HES5: variants seen among roughly 807,000 people sequenced by gnomAD.
The protein encoded by HES5 is hes family bHLH transcription factor 5.
In HES5, 12 loss-of-function variants were observed where a neutral mutation model predicts 9.6. The ratio of observed to expected loss-of-function variants is 1.25; its 90% CI spans 0.80 to 2.03. HES5 has a LOEUF of 2.03. Among genes scored for constraint, HES5 ranks in the 30% most tolerant of loss-of-function variants. HES5 has a pLI of 0.00. For synonymous variants in HES5, 131 were observed against 102.4 expected (o/e 1.28, Z -1.69); for missense variants, 255 against 218.6 (o/e 1.17, Z -1.05).
At position 2,530,042 on chromosome 1, in the gene HES5, G is replaced by A. The variant is rs373622570; in HGVS notation, c.55-31C>T. ...GGAGGAGGGGGTGTCAGGCTGGCCCGGCACGGCGCAGGGACCCCCGAGGAC... is the reference window on the plus strand; with the variant it reads ...GGAGGAGGGGGTGTCAGGCTGGCCCAGCACGGCGCAGGGACCCCCGAGGAC... On this transcript the variant is annotated intron_variant, in intron 1 of 2. Transcript: ENST00000378453. 7.5e-6 allele frequency: 12 copies of A among 1,602,844 alleles called. No individual in the cohort carries two copies. The East Asian group carries it at 2.2e-4, about 30-fold the overall frequency.
Position 2,529,545 on chromosome 1 carries a change from G to A in HES5, c.425C>T (p.Pro142Leu). ...GGCGGTGGCCTTGGCGGAGAGCGCGGGCGGGGGCGCGGCGCCCGGCGCCTT... is the reference window on the plus strand; with the variant it reads ...GGCGGTGGCCTTGGCGGAGAGCGCGAGCGGGGGCGCGGCGCCCGGCGCCTT... ...EPKAPGAAPP[P>L]ALSAKATAAA... The change falls in exon 3 of 3, where the codon CCC (proline) becomes CTC (leucine). Residue 142 changes from proline to leucine, a missense_variant. Pro to Leu is a moderately conservative substitution (Grantham distance 98). Coordinates refer to ENST00000378453, the MANE Select transcript of HES5 (RefSeq NM_001010926.4). This position sits in a 1 kb window ranked among gnomAD's most constrained non-coding sequence, Gnocchi z 4.5. 1 of 1,070,142 alleles carries A rather than the reference G, an allele frequency of 9.3e-7. No individual in the cohort carries two copies. Among genetic ancestry groups the A allele is most frequent in the Non-Finnish European group, 1.1e-6 (1 of 883,782 alleles). 66.3% of individuals were successfully genotyped at this position (1,070,142 alleles called of 1,614,324 possible).
rs778735369 is a variant in HES5, at chr1:2,529,883, G to A, written c.183C>T (p.Ile61=). 4.4e-6 allele frequency: 7 copies of A among 1,601,522 alleles called. No homozygotes were observed. The highest frequency in any genetic ancestry group is 4.0e-5 in the African/African-American group (3 of 74,428). ...QPNSKLEKAD[I]LEMAVSYLKH... ...TCAGGTAGCTGACAGCCATCTCCAG[G>A]ATGTCGGCCTTCTCCAGCTTGGAGT... Residue 61 remains isoleucine, a synonymous_variant, in exon 2 of 3, where the codon ATC becomes ATT. Transcript: ENST00000378453. The surrounding 1 kb of genome is among the most constrained non-coding windows in gnomAD (Gnocchi z 4.5).
rs1477969884 is a variant in HES5 at position 2,529,694 on chromosome 1, G to A, written c.276C>T (p.Tyr92=). ...GCACGGCCTCCTGCAGGCACCACGA[G>A]TAGCCTTCGCTGTAGTCCTGGTGCA... ...KSLHQDYSEG[Y]SWCLQEAVQF... is the part of the protein sequence containing the mutation. The change falls in exon 3 of 3, where the codon TAC becomes TAT. Residue 92 remains tyrosine, a synonymous_variant. Transcript: ENST00000378453. This position sits in a 1 kb window ranked among gnomAD's most constrained non-coding sequence, Gnocchi z 4.5. The A allele has an allele frequency of 7.6e-6, 10 of 1,308,658 alleles. No homozygotes were observed. Among genetic ancestry groups the A allele is most frequent in the Admixed American group, 3.1e-5 (1 of 32,538 alleles). The allele number at this position is 1,308,658 out of a possible 1,614,324, so 81.1% of individuals were successfully genotyped here.
Position 2,529,950 on chromosome 1 carries a change from A to G in HES5, c.116T>C (p.Leu39Pro). 1 of 1,609,426 alleles carries G rather than the reference A, an allele frequency of 6.2e-7. No homozygotes were observed. Among genetic ancestry groups the G allele is most frequent in the Non-Finnish European group, 8.5e-7 (1 of 1,178,306 alleles). ...GAACTCCTGCTCCAGCAGCAGCTTC[A>G]GCTGCTCGATGCTGCTGTTGATGCG... ...RDRINSSIEQ[L>P]KLLLEQEFAR... is the part of the protein sequence containing the mutation. Residue 39 changes from leucine to proline, a missense_variant, in exon 2 of 3, where the codon CTG becomes CCG. Transcript: ENST00000378453. This position sits in a 1 kb window ranked among gnomAD's most constrained non-coding sequence, Gnocchi z 4.5.
Position 2,530,020 on chromosome 1 carries a change from G to A in HES5, c.55-9C>T, listed in dbSNP as rs764878658. 2.5e-6 allele frequency: 4 copies of A among 1,603,720 alleles called. No homozygotes were observed. The highest frequency in any genetic ancestry group is 3.4e-6 in the Non-Finnish European group (4 of 1,174,084). On this transcript the variant is annotated splice_polypyrimidine_tract_variant and intron_variant, in intron 1 of 2. Coordinates refer to ENST00000378453, the MANE Select transcript of HES5 (RefSeq NM_001010926.4). ...ACCACCGGCTTCCGCAGCTGCGGGA[G>A]GAGGGGGTGTCAGGCTGGCCCGGCA...
rs1643966572 is a variant in HES5, at chr1:2,528,796, G to C, written c.*673C>G. ...TATGGCGGCTTCGGAGCAGTCCCGT[G>C]GCTTCCACGTGACTGAGAGTTCAAT... On this transcript the variant is annotated 3_prime_UTR_variant, in exon 3 of 3. Transcript: ENST00000378453. 1 of 152,404 alleles carries C rather than the reference G, an allele frequency of 6.6e-6. No individual in the cohort carries two copies. The highest frequency in any genetic ancestry group is 1.9e-4 in the East Asian group (1 of 5,324). 9.4% of individuals were successfully genotyped at this position (152,404 alleles called of 1,614,324 possible).
rs889804585 is a variant in HES5, at chr1:2,529,976, G to C, written c.90C>G (p.Asp30Glu). ...RKPVVEKMRR[D>E]RINSSIEQLK... ...GCTGCTCGATGCTGCTGTTGATGCG[G>C]TCGCGGCGCATCTTCTCCACCACCG... Residue 30 changes from aspartate (D) to glutamate (E), a missense_variant, in exon 2 of 3, where the codon GAC (aspartate) becomes GAG (glutamate). Asp to Glu is a conservative substitution (Grantham distance 45, BLOSUM62 2). Coordinates refer to ENST00000378453, the MANE Select transcript of HES5 (RefSeq NM_001010926.4). The surrounding 1 kb of genome is among the most constrained non-coding windows in gnomAD (Gnocchi z 4.5). 2.5e-6 allele frequency: 4 copies of C among 1,608,634 alleles called. No homozygotes were observed. In the African/African-American group the frequency reaches 5.3e-5, roughly 21 times the overall value.
chr1:2,528,847 C>A lies in HES5; in HGVS notation c.*622G>T, dbSNP rs1391859976. On this transcript the variant is annotated 3_prime_UTR_variant, in exon 3 of 3. Transcript: ENST00000378453. The stretch of plus-strand genomic sequence containing the variant: ...TTCTGAGTACAAAGTCGTGCCCACA[C>A]GCATCCACCCACACAGAGGAATCCT... The A allele has an allele frequency of 6.6e-6, 1 of 152,558 alleles. No individual in the cohort carries two copies. The highest frequency in any genetic ancestry group is 1.5e-5 in the Non-Finnish European group (1 of 68,052). 9.5% of individuals were successfully genotyped at this position (152,558 alleles called of 1,614,324 possible).
rs546720624 is a variant in HES5 at position 2,530,249 on chromosome 1, C to T, written c.-85G>A. The T allele has an allele frequency of 2.3e-3, 2,765 of 1,185,604 alleles. 47 individuals are homozygous for T. The African/African-American group carries it at 0.04, about 17-fold the overall frequency. 73.4% of individuals were successfully genotyped at this position (1,185,604 alleles called of 1,614,324 possible). A position where few individuals can be genotyped will look rare whatever the true frequency, so the allele number is the denominator to read the frequency against. On this transcript the variant is annotated 5_prime_UTR_variant, in exon 1 of 3. Coordinates refer to ENST00000378453, the MANE Select transcript of HES5 (RefSeq NM_001010926.4). ...GGCGCGGGCAAGGCCAAGCGCGTCC[C>T]GGGCTGGCGCGGACACCGGCCCCGC...
chr1:2,530,240 A>G lies in HES5; in HGVS notation c.-76T>C. On this transcript the variant is annotated 5_prime_UTR_variant, in exon 1 of 3. Transcript: ENST00000378453. ...AGGCGAGCGGGCGCGGGCAAGGCCAAGCGCGTCCCGGGCTGGCGCGGACAC... is the reference window on the plus strand; with the variant it reads ...AGGCGAGCGGGCGCGGGCAAGGCCAGGCGCGTCCCGGGCTGGCGCGGACAC... 1 of 1,263,122 alleles carries G rather than the reference A, an allele frequency of 7.9e-7. No individual in the cohort carries two copies. Among genetic ancestry groups the G allele is most frequent in the Non-Finnish European group, 1.0e-6 (1 of 990,482 alleles). The allele number at this position is 1,263,122 out of a possible 1,614,324, so 78.2% of individuals were successfully genotyped here. A position where few individuals can be genotyped will look rare whatever the true frequency, so the allele number is the denominator to read the frequency against.
rs1643973675 is a variant in HES5 at position 2,529,339 on chromosome 1, G to A, written c.*130C>T. 2 of 905,100 alleles carry A rather than the reference G, an allele frequency of 2.2e-6. No individual in the cohort carries two copies. Among genetic ancestry groups the A allele is most frequent in the Non-Finnish European group, 2.6e-6 (2 of 755,242 alleles). 56.1% of individuals were successfully genotyped at this position (905,100 alleles called of 1,614,324 possible). ...GGCTCCTGCGGGCCGGCCAGCTTGGGGCCAGAGCCTTCCGGAGAAGGGCGC... is the reference window on the plus strand; with the variant it reads ...GGCTCCTGCGGGCCGGCCAGCTTGGAGCCAGAGCCTTCCGGAGAAGGGCGC... On this transcript the variant is annotated 3_prime_UTR_variant, in exon 3 of 3. Transcript: ENST00000378453. This position sits in a 1 kb window ranked among gnomAD's most constrained non-coding sequence, Gnocchi z 4.5.
chr1:2,530,138 C>A lies in HES5; in HGVS notation c.27G>T (p.Glu9Asp), dbSNP rs1643988130. 2.6e-6 allele frequency: 4 copies of A among 1,549,446 alleles called. No individual in the cohort carries two copies. The highest frequency in any genetic ancestry group is 3.5e-6 in the Non-Finnish European group (4 of 1,147,358). ...GGTTTTTCTCTTTGGGGCTGAGCAG[C>A]TCCACGGCCACAGTGCTGGGGGCCA... MAPSTVAV[E>D]LLSPKEKNRL... Residue 9 changes from glutamate to aspartate, a missense_variant, in exon 1 of 3, where the codon GAG becomes GAT. Coordinates refer to ENST00000378453, the MANE Select transcript of HES5 (RefSeq NM_001010926.4).
intron 1 of HES5, 45 bp from the exon 2 acceptor site, chr1:2,530,056 AC>A: frequency 1.9e-6 from 3 of 1,597,578 alleles, no homozygotes; most frequent in Non-Finnish European, 2.6e-6. Flanking sequence ...CGGCGCAGGG[AC>A]CCCCGAGGAC....
At position 2,528,933 on chromosome 1, in the gene HES5, A is replaced by T. The variant is rs778881455; in HGVS notation, c.*536T>A. The T allele has an allele frequency of 3.9e-5, 6 of 152,508 alleles. No individual in the cohort carries two copies. The highest frequency in any genetic ancestry group is 7.3e-5 in the Non-Finnish European group (5 of 68,074). 9.4% of individuals were successfully genotyped at this position (152,508 alleles called of 1,614,324 possible). Reference sequence around the variant, plus strand: ...ACAGCCCACCGTGAGCCCCAGCCAGACCACCAGGCACACTCAGGAGCCTTT... The same window carrying T: ...ACAGCCCACCGTGAGCCCCAGCCAGTCCACCAGGCACACTCAGGAGCCTTT... On this transcript the variant is annotated 3_prime_UTR_variant, in exon 3 of 3. Transcript: ENST00000378453.
In HES5 at chr1:2,529,918, G is replaced by T; in HGVS notation, c.148C>A (p.His50Asn). ...KLLLEQEFAR[H>N]QPNSKLEKAD... is the part of the protein sequence containing the mutation. ...TTCTCCAGCTTGGAGTTGGGCTGGT[G>T]CCGCGCGAACTCCTGCTCCAGCAGC... The change falls in exon 2 of 3, where the codon CAC (histidine) becomes AAC (asparagine). Residue 50 changes from histidine to asparagine, a missense_variant. Coordinates refer to ENST00000378453, the MANE Select transcript of HES5 (RefSeq NM_001010926.4). This position sits in a 1 kb window ranked among gnomAD's most constrained non-coding sequence, Gnocchi z 4.5. The T allele has an allele frequency of 6.2e-7, 1 of 1,607,298 alleles. No homozygotes were observed. Among genetic ancestry groups the T allele is most frequent in the Non-Finnish European group, 8.5e-7 (1 of 1,177,390 alleles).
Position 2,529,891 on chromosome 1 carries a change from C to A in HES5, c.175G>T (p.Ala59Ser), listed in dbSNP as rs764855346. ...RHQPNSKLEKADILEMAVSYL... is the reference protein window; with the variant it reads ...RHQPNSKLEKSDILEMAVSYL... ...CTGACAGCCATCTCCAGGATGTCGG[C>A]CTTCTCCAGCTTGGAGTTGGGCTGG... The change falls in exon 2 of 3, where the codon GCC becomes TCC. Residue 59 changes from alanine to serine, a missense_variant. Transcript: ENST00000378453. This position sits in a 1 kb window ranked among gnomAD's most constrained non-coding sequence, Gnocchi z 4.5. The A allele has an allele frequency of 2.5e-6, 4 of 1,603,476 alleles. No individual in the cohort carries two copies. Among genetic ancestry groups the A allele is most frequent in the Non-Finnish European group, 2.6e-6 (3 of 1,175,402 alleles).
In HES5 at chr1:2,529,966, T is replaced by C. The variant is rs749379887; in HGVS notation, c.100A>G (p.Ser34Gly). ...AGCAGCTTCAGCTGCTCGATGCTGC[T>C]GTTGATGCGGTCGCGGCGCATCTTC... ...VEKMRRDRIN[S>G]SIEQLKLLLE... Residue 34 changes from serine to glycine, a missense_variant, in exon 2 of 3, where the codon AGC (serine) becomes GGC (glycine). Ser to Gly is a moderately conservative substitution (Grantham distance 56). Transcript: ENST00000378453. This position sits in a 1 kb window ranked among gnomAD's most constrained non-coding sequence, Gnocchi z 4.5. The C allele has an allele frequency of 5.6e-6, 9 of 1,609,328 alleles. No individual in the cohort carries two copies. The highest frequency in any genetic ancestry group is 1.6e-4 in the Middle Eastern group (1 of 6,066).
In HES5 at chr1:2,529,863, T is replaced by A. The variant is rs1643983486; in HGVS notation, c.203A>T (p.Tyr68Phe). The A allele has an allele frequency of 6.3e-7, 1 of 1,593,164 alleles. No individual in the cohort carries two copies. Among genetic ancestry groups the A allele is most frequent in the Admixed American group, 1.7e-5 (1 of 58,238 alleles). ...GCGCTCACCTTTGCTGTGCTTCAGG[T>A]AGCTGACAGCCATCTCCAGGATGTC... ...KADILEMAVSYLKHSKAFVAA... is the reference protein window; with the variant it reads ...KADILEMAVSFLKHSKAFVAA... Residue 68 changes from tyrosine to phenylalanine, a missense_variant, in exon 2 of 3, where the codon TAC becomes TTC. Transcript: ENST00000378453. This position sits in a 1 kb window ranked among gnomAD's most constrained non-coding sequence, Gnocchi z 4.5.
Position 2,529,638 on chromosome 1 carries a change from G to C in HES5, c.332C>G (p.Thr111Arg). ...QFLTLHAASD[T>R]QMKLLYHFQR... Reference sequence around the variant, plus strand: ...GAAGTGGTACAGCAGCTTCATCTGCGTGTCGCTGGCGGCGTGGAGCGTCAG... The same window carrying C: ...GAAGTGGTACAGCAGCTTCATCTGCCTGTCGCTGGCGGCGTGGAGCGTCAG... Residue 111 changes from threonine to arginine, a missense_variant, in exon 3 of 3, where the codon ACG (threonine) becomes AGG (arginine). By Grantham distance (71) the Thr-to-Arg change is moderately conservative. Transcript: ENST00000378453. The surrounding 1 kb of genome is among the most constrained non-coding windows in gnomAD (Gnocchi z 4.5). 7.6e-7 allele frequency: 1 copy of C among 1,310,748 alleles called. No homozygotes were observed. The highest frequency in any genetic ancestry group is 9.9e-7 in the Non-Finnish European group (1 of 1,010,460). The allele number at this position is 1,310,748 out of a possible 1,614,324, so 81.2% of individuals were successfully genotyped here. A position where few individuals can be genotyped will look rare whatever the true frequency, so the allele number is the denominator to read the frequency against.
Sources: allele counts gnomAD v4.1 joint callset, GRCh38; gene constraint gnomAD v4.1.1; non-coding constraint Gnocchi (gnomAD v3.1); transcripts MANE v1.5; gene names NCBI Gene and HGNC (gene_info 2026-07-23, HGNC 2026-07-21).